KLF13: variants seen among roughly 807,000 people sequenced by gnomAD.
KLF13 encodes the protein KLF transcription factor 13.
A neutral mutation model predicts 16.7 loss-of-function variants in KLF13; 8 were observed. That is an observed-to-expected ratio of 0.48 (90% CI 0.28 to 0.87). The LOEUF is 0.87. Among genes scored for constraint, KLF13 ranks in the 40% least tolerant of loss-of-function variants. The probability of loss-of-function intolerance (pLI) is 0.10; values close to 1 mark genes in which losing one functional copy is unlikely to be tolerated. For missense variants in KLF13, 447 were observed against 452.2 expected (o/e 0.99, Z 0.10); for synonymous variants, 245 against 208.4 (o/e 1.18, Z -1.51).
intron 1 of KLF13, among the ~76,000 whole-genome samples, chr15:31,345,968 A>G (rs1251771321): frequency 6.6e-6 from 1 of 152,014 alleles, no homozygotes; most frequent in Non-Finnish European, 1.5e-5. Context: ...TTCTAGAGGA[A>G]GAGTATCTGA....
rs895678161 is a variant in KLF13 at position 31,327,176 on chromosome 15, C to T, written c.-37C>T. On this transcript the variant is annotated 5_prime_UTR_variant, in exon 1 of 2. Coordinates refer to ENST00000307145, the MANE Select transcript of KLF13 (RefSeq NM_015995.4). ...GGGTGCGGATGCGCGGCTGACGACTCGCAGCAAGAGCACCGCCGCCGGCCC... is the reference window on the plus strand; with the variant it reads ...GGGTGCGGATGCGCGGCTGACGACTTGCAGCAAGAGCACCGCCGCCGGCCC... The T allele has an allele frequency of 2.4e-6, 3 of 1,254,818 alleles. No homozygotes were observed. The highest frequency in any genetic ancestry group is 3.0e-6 in the Non-Finnish European group (3 of 998,068). 77.7% of individuals were successfully genotyped at this position (1,254,818 alleles called of 1,614,324 possible).
chr15:31,387,928 C>A (rs2039812021), upstream of KLF13, among the ~76,000 whole-genome samples: 1 of 152,180 alleles, frequency 6.6e-6, no homozygotes, highest in South Asian at 2.1e-4. Context: ...TGGAGCACAG[C>A]CACTGGCTTG....
chr15:31,380,790 C>T (rs575721898), downstream of KLF13, among the ~76,000 whole-genome samples: 9 of 152,346 alleles, frequency 5.9e-5, no homozygotes, highest in African/African-American at 1.7e-4. Context: ...TTTCCTCCAC[C>T]GTTACGCATC....
At chr15:31,390,423 A>G (rs1462093640), upstream of KLF13, among the ~76,000 whole-genome samples, 1 of 152,192 alleles carries the variant, frequency 6.6e-6, no homozygotes, top group Admixed American at 6.5e-5. Flanking sequence ...TAGTATAGAA[A>G]ACAAGGTTCA....
intron 1 of KLF13, among the ~76,000 whole-genome samples, chr15:31,363,107 G>T (rs2039414438): frequency 6.6e-6 from 1 of 152,262 alleles, no homozygotes; most frequent in Admixed American, 6.5e-5. Context: ...TTGCCAAATC[G>T]CCCTCCATGG....
At chr15:31,361,693 G>GC (rs2039391227) in intron 1 of KLF13, among the ~76,000 whole-genome samples, 1 of 152,114 alleles carries the variant, frequency 6.6e-6, no homozygotes, top group Admixed American at 6.5e-5. Flanking sequence ...CCGGCTGGGA[G>GC]CACGGGCACC....
intron 1 of KLF13, among the ~76,000 whole-genome samples, chr15:31,351,738 G>A (rs1364535386): frequency 2.0e-5 from 3 of 152,192 alleles, no homozygotes; most frequent in Admixed American, 6.5e-5. Flanking sequence ...CACACCGGGC[G>A]CGGTGGCTCA....
downstream of KLF13, among the ~76,000 whole-genome samples, chr15:31,380,302 T>C (rs2039708260): frequency 6.6e-6 from 1 of 152,050 alleles, no homozygotes; most frequent in African/African-American, 2.4e-5. Context: ...CAAAAACAAA[T>C]AAATTAATAA....
At chr15:31,430,622 C>T (rs892538537) in intron 1 of KLF13, among the ~76,000 whole-genome samples, 2 of 152,196 alleles carry the variant, frequency 1.3e-5, no homozygotes, top group South Asian at 4.1e-4. Flanking sequence ...CTCCTTAAGG[C>T]CCCACCTCTC....
intron 1 of KLF13, among the ~76,000 whole-genome samples, chr15:31,352,037 A>C (rs891415214): frequency 6.7e-6 from 1 of 149,016 alleles, no homozygotes; most frequent in African/African-American, 2.5e-5. Context: ...AGGCGGGGGG[A>C]GTTTTGCAGT....
At chr15:31,364,987 A>T (rs1255477371) in intron 1 of KLF13, among the ~76,000 whole-genome samples, 3 of 152,226 alleles carry the variant, frequency 2.0e-5, no homozygotes, top group South Asian at 2.1e-4. Flanking sequence ...CCAGCAGTTG[A>T]TCAGCCCCTG....
chr15:31,365,735 G>A (rs1447632673), intron 1 of KLF13, among the ~76,000 whole-genome samples: 1 of 152,140 alleles, frequency 6.6e-6, no homozygotes, highest in African/African-American at 2.4e-5. Flanking sequence ...CCATGCCACA[G>A]CCCGAGTCTG....
Position 31,375,986 on chromosome 15 carries a change from T to G in KLF13, c.*3687T>G, listed in dbSNP as rs1430736908. The G allele has an allele frequency of 6.6e-6, 1 of 152,398 alleles. No homozygotes were observed. Among genetic ancestry groups the G allele is most frequent in the African/African-American group, 2.4e-5 (1 of 41,420 alleles). The allele number at this position is 152,398 out of a possible 1,614,324, so 9.4% of individuals were successfully genotyped here. A position where few individuals can be genotyped will look rare whatever the true frequency, so the allele number is the denominator to read the frequency against. On this transcript the variant is annotated 3_prime_UTR_variant, in exon 2 of 2. Coordinates refer to ENST00000307145, the MANE Select transcript of KLF13 (RefSeq NM_015995.4). ...GTACAAACATCTGAGGCACTGGCGA[T>G]CCCAGTCCTTGCAGCACCCTGAACA...
intron 1 of KLF13, among the ~76,000 whole-genome samples, chr15:31,368,832 ATAGATAGATAGATAGG>A (rs1192298778): frequency 6.6e-6 from 1 of 152,140 alleles, no homozygotes; most frequent in Non-Finnish European, 1.5e-5. Context: ...AGATAGATAG[ATAGATAGATAGATAGG>A]TAGATAGATA....
intron 1 of KLF13, among the ~76,000 whole-genome samples, chr15:31,413,854 A>AT (rs900004167): frequency 2.0e-5 from 3 of 152,208 alleles, no homozygotes; most frequent in Non-Finnish European, 4.4e-5. Context: ...ATAAATGCAT[A>AT]TTTTCTCTTT....
At chr15:31,338,496 C>T (rs2038969195) in intron 1 of KLF13, among the ~76,000 whole-genome samples, 1 of 152,222 alleles carries the variant, frequency 6.6e-6, no homozygotes, top group Non-Finnish European at 1.5e-5. Context: ...TTTCTCCCAG[C>T]CCTATGAACC....
chr15:31,405,147 GTTAGTGCC>G (rs2040105169), downstream of KLF13, among the ~76,000 whole-genome samples: 1 of 152,130 alleles, frequency 6.6e-6, no homozygotes, highest in South Asian at 2.1e-4. Flanking sequence ...CATGAATGAG[GTTAGTGCC>G]TTAGAAAACA....
chr15:31,354,926 CAGTA>C (rs1424175388), intron 1 of KLF13, among the ~76,000 whole-genome samples: 1 of 152,138 alleles, frequency 6.6e-6, no homozygotes, highest in Non-Finnish European at 1.5e-5. Flanking sequence ...ACTGGGCTAA[CAGTA>C]AGTGTGAAGC....
At chr15:31,331,861 C>T (rs950148235) in intron 1 of KLF13, among the ~76,000 whole-genome samples, 1 of 152,222 alleles carries the variant, frequency 6.6e-6, no homozygotes, top group African/African-American at 2.4e-5. Context: ...TGTGTGTCCA[C>T]GTAGACATTT....
Sources: allele counts gnomAD v4.1 joint callset (sites outside exome capture counted in the v4.1 genomes callset), GRCh38; gene constraint gnomAD v4.1.1; transcripts MANE v1.5; gene names NCBI Gene and HGNC (gene_info 2026-07-23, HGNC 2026-07-21).